INPP4B: variants seen among roughly 807,000 people sequenced by gnomAD.
INPP4B encodes the protein inositol polyphosphate 4-phosphatase type II.
In INPP4B, 55 loss-of-function variants were observed where a neutral mutation model predicts 122.5. That is an observed-to-expected ratio of 0.45 (90% CI 0.36 to 0.56). The LOEUF (loss-of-function observed/expected upper bound fraction) is 0.56. Among genes scored for constraint, INPP4B ranks in the 20% least tolerant of loss-of-function variants. The pLI is 0.00. For synonymous variants in INPP4B, 403 were observed against 388.7 expected, an observed-to-expected ratio of 1.04 and a Z score of -0.43; for missense variants, 1,000 against 1,097.7, an observed-to-expected ratio of 0.91 and a Z score of 1.26.
Position 142,431,168 on chromosome 4 carries a change from C to A in INPP4B, c.91+1G>T. ...ACAGGGAGGGATACACACATACTTA[C>A]TTGTGAACTGACAGTCCCCGGGATC... On this transcript the variant is annotated splice_donor_variant, in intron 4 of 25. Coordinates refer to ENST00000262992, the MANE Select transcript of INPP4B (RefSeq NM_001101669.3). LOFTEE classifies it high-confidence loss of function. The A allele has an allele frequency of 6.2e-7, 1 of 1,611,748 alleles. No homozygotes were observed. The highest frequency in any genetic ancestry group is 8.5e-7 in the Non-Finnish European group (1 of 1,178,156).
rs182947007 is a variant in INPP4B at position 142,561,385 on chromosome 4, A to G, written c.-190-98659T>C. ...GGAAACATTGAAGGAGAAAGGTTAC[A>G]TGACTTGTTAAAGTTTCTTTGTTTT... is the stretch of plus-strand genomic sequence containing the variant. On this transcript the variant is annotated intron_variant, in intron 2 of 25. Coordinates refer to ENST00000262992, the MANE Select transcript of INPP4B (RefSeq NM_001101669.3). 5.9e-5 allele frequency among the ~76,000 whole-genome samples: 9 copies of G among 151,806 alleles called. No homozygotes were observed. In the East Asian group the frequency reaches 1.8e-3, roughly 30 times the overall value.
intron 18 of INPP4B, among the ~76,000 whole-genome samples, chr4:142,137,128 C>T (rs1391110063): frequency 1.3e-5 from 2 of 152,204 alleles, no homozygotes; most frequent in African/African-American, 4.8e-5. Flanking sequence ...TACCTGACTT[C>T]AAACTATACT....
chr4:142,740,830 A>G (rs1767793835), intron 1 of INPP4B, among the ~76,000 whole-genome samples: 1 of 152,040 alleles, frequency 6.6e-6, no homozygotes, highest in Non-Finnish European at 1.5e-5. Flanking sequence ...TGTTTTCTAC[A>G]GTTTATAAGT....
rs113814451 is a variant in INPP4B at position 142,380,175 on chromosome 4, T to A, written c.372+22763A>T. Among the ~76,000 whole-genome samples, 702 of 152,334 alleles carry A rather than the reference T, an allele frequency of 4.6e-3. 5 individuals are homozygous for A. The highest frequency in any genetic ancestry group is 7.4e-3 in the Non-Finnish European group (501 of 68,018). On this transcript the variant is annotated intron_variant, in intron 7 of 25. Transcript: ENST00000262992. The stretch of plus-strand genomic sequence containing the variant: ...GTGAAACATGAATTACTTATCCTGT[T>A]TACTGACTAAAACATAGCAAAGGAT...
intron 2 of INPP4B, among the ~76,000 whole-genome samples, chr4:142,524,612 T>C (rs1320428686): frequency 6.6e-6 from 1 of 152,072 alleles, no homozygotes. Flanking sequence ...TAATCCAGCA[T>C]ATAAACAGAG....
At chr4:142,438,277 C>T (rs1449307356) in intron 3 of INPP4B, among the ~76,000 whole-genome samples, 1 of 152,148 alleles carries the variant, frequency 6.6e-6, no homozygotes, top group Admixed American at 6.6e-5. Flanking sequence ...TAGCTGGAGG[C>T]ATCATGTTAC....
rs956365398 is a variant in INPP4B at position 142,632,654 on chromosome 4, G to T, written c.-191+93185C>A. On this transcript the variant is annotated intron_variant, in intron 2 of 25. Coordinates refer to ENST00000262992, the MANE Select transcript of INPP4B (RefSeq NM_001101669.3). ...AACTTTTAGATTAAATATATAAAAA[G>T]AATTAAATACCCAATGATAATAGCA... Among the ~76,000 whole-genome samples the T allele has an allele frequency of 4.0e-5, 6 of 151,786 alleles. 1 individual carries two copies. In the South Asian group the frequency reaches 1.0e-3, roughly 26 times the overall value.
intron 2 of INPP4B, among the ~76,000 whole-genome samples, chr4:142,534,051 C>T (rs72726423): frequency 0.051 from 7,721 of 152,204 alleles, 246 homozygotes; most frequent in Non-Finnish European, 0.073. Flanking sequence ...TCATTGATCC[C>T]GGGTATCTAA....
At chr4:142,457,803 C>A (rs1016783068) in intron 3 of INPP4B, among the ~76,000 whole-genome samples, 5 of 152,004 alleles carry the variant, frequency 3.3e-5, no homozygotes, top group African/African-American at 1.2e-4. Flanking sequence ...ACTCTGTTGC[C>A]CAGGCTGGTC....
At chr4:142,345,402 A>C (rs1214597475) in intron 7 of INPP4B, among the ~76,000 whole-genome samples, 1 of 152,044 alleles carries the variant, frequency 6.6e-6, no homozygotes, top group Admixed American at 6.6e-5. Context: ...CTGTCGAAAA[A>C]TAAAGCATTT....
At chr4:142,115,377 A>G (rs1792600783) in intron 21 of INPP4B, among the ~76,000 whole-genome samples, 1 of 152,200 alleles carries the variant, frequency 6.6e-6, no homozygotes, top group Non-Finnish European at 1.5e-5. Context: ...ACCAAAGTTG[A>G]AATGAAGGAA....
chr4:142,646,541 T>A (rs895559142), intron 2 of INPP4B, among the ~76,000 whole-genome samples: 1 of 152,182 alleles, frequency 6.6e-6, no homozygotes, highest in Non-Finnish European at 1.5e-5. Context: ...CAGTTGATTA[T>A]GAGGACAGAA....
chr4:142,211,056 G>C (rs557915163), intron 12 of INPP4B, among the ~76,000 whole-genome samples: 1 of 152,252 alleles, frequency 6.6e-6, no homozygotes, highest in Admixed American at 6.5e-5. Context: ...GAACCTGTTT[G>C]TTCTAAGAGA....
intron 16 of INPP4B, among the ~76,000 whole-genome samples, chr4:142,166,013 A>G (rs949700894): frequency 2.0e-5 from 3 of 151,698 alleles, no homozygotes; most frequent in African/African-American, 7.3e-5. Context: ...ACCATTCATA[A>G]GTCTTCTTTG....
At chr4:142,352,936 GAA>G (rs1782373339) in intron 7 of INPP4B, among the ~76,000 whole-genome samples, 1 of 151,900 alleles carries the variant, frequency 6.6e-6, no homozygotes, top group South Asian at 2.1e-4. Flanking sequence ...TAGTCACTTA[GAA>G]ATATAGGGTG....
Position 142,549,842 on chromosome 4 carries a change from G to T in INPP4B, c.-190-87116C>A, listed in dbSNP as rs1321510357. 2.0e-5 allele frequency among the ~76,000 whole-genome samples: 3 copies of T among 152,128 alleles called. No homozygotes were observed. The East Asian group carries it at 5.8e-4, about 29-fold the overall frequency. ...ATTTCCTGGTAAATATCTCTTTCTGGCTTTGTTCCAGAGCTCTCTGAGGTT... is the reference window on the plus strand; with the variant it reads ...ATTTCCTGGTAAATATCTCTTTCTGTCTTTGTTCCAGAGCTCTCTGAGGTT... On this transcript the variant is annotated intron_variant, in intron 2 of 25. Transcript: ENST00000262992.
chr4:142,344,999 T>C (rs1779858099), intron 7 of INPP4B, among the ~76,000 whole-genome samples: 1 of 152,074 alleles, frequency 6.6e-6, no homozygotes, highest in Admixed American at 6.6e-5. Flanking sequence ...CTCTTGGTTT[T>C]CTACCATCTC....
intron 2 of INPP4B, among the ~76,000 whole-genome samples, chr4:142,709,125 G>A (rs751331944): frequency 6.6e-5 from 10 of 152,180 alleles, no homozygotes; most frequent in African/African-American, 2.2e-4. Flanking sequence ...CCTGGGGCCT[G>A]TAGTGCCTTT....
intron 14 of INPP4B, chr4:142,202,698 C>T (rs768890878): frequency 1.0e-6 from 1 of 971,674 alleles, no homozygotes; most frequent in African/African-American, 1.8e-5. Context: ...ATGATATAAA[C>T]TCATTTTTTA....
Sources: gnomAD v4.1 joint callset for allele counts (sites outside exome capture counted in the v4.1 genomes callset) on GRCh38, gnomAD v4.1.1 for gene constraint, MANE v1.5 for transcripts, NCBI Gene and HGNC (gene_info 2026-07-23, HGNC 2026-07-21) for gene names.